The following CAB39 variants were observed in gnomAD, a reference collection of about 807,000 sequenced individuals.
CAB39 encodes calcium-binding protein 39.
A neutral mutation model predicts 40.0 loss-of-function variants in CAB39; 8 were observed. That is an observed-to-expected ratio of 0.20 (90% confidence interval 0.12 to 0.36). The LOEUF is 0.36. CAB39 is among the 10% of genes least tolerant of loss of function. The probability of loss-of-function intolerance (pLI) is 1.00; values close to 1 mark genes in which losing one functional copy is unlikely to be tolerated. For missense variants in CAB39, 270 were observed against 401.1 expected (o/e 0.67, Z 2.79); for synonymous variants, 156 against 141.6 (o/e 1.10, Z -0.72).
intron 2 of CAB39, among the ~76,000 whole-genome samples, chr2:230,782,932 C>G (rs1695718124): frequency 6.6e-6 from 1 of 151,520 alleles, no homozygotes; most frequent in African/African-American, 2.4e-5. Context: ...CCTGCCTCAG[C>G]CTCCTGAGTA....
chr2:230,759,936 AT>A, intron 1 of CAB39, 22 bp from the exon 2 acceptor site: 3 of 805,968 alleles, frequency 3.7e-6, no homozygotes, highest in Non-Finnish European at 6.3e-6. Context: ...GTTTGCTCAC[AT>A]GAACCTTGTG....
chr2:230,742,558 CAAAAAAAAA>C (rs112074993), intron 1 of CAB39, among the ~76,000 whole-genome samples: 2 of 60,406 alleles, frequency 3.3e-5, no homozygotes, highest in African/African-American at 1.1e-4. Context: ...AACATATTTG[CAAAAAAAAA>C]AAAAAAAAAA....
rs1432758278 is a variant in CAB39 at position 230,723,268 on chromosome 2, G to A, written c.-44+10038G>A. 3.3e-5 allele frequency among the ~76,000 whole-genome samples: 5 copies of A among 151,856 alleles called. No individual in the cohort carries two copies. The South Asian group carries it at 1.0e-3, about 32-fold the overall frequency. On this transcript the variant is annotated intron_variant, in intron 1 of 8. Coordinates refer to ENST00000258418, the MANE Select transcript of CAB39 (RefSeq NM_016289.4). ...TTTTGTGTCCTGACCTAAGAAAAGGGACATTTACAGGGGATTTACGATAGT... is the reference window on the plus strand; with the variant it reads ...TTTTGTGTCCTGACCTAAGAAAAGGAACATTTACAGGGGATTTACGATAGT...
Position 230,818,813 on chromosome 2 carries a change from A to G in CAB39, c.*109A>G. ...GAACATTACTGCTAATCTGCTGTTAAGTGAACGGTTTTTCATTTTACCCTT... is the reference window on the plus strand; with the variant it reads ...GAACATTACTGCTAATCTGCTGTTAGGTGAACGGTTTTTCATTTTACCCTT... On this transcript the variant is annotated 3_prime_UTR_variant, in exon 9 of 9. Transcript: ENST00000258418. The G allele has an allele frequency of 1.1e-5, 10 of 878,572 alleles. No individual in the cohort carries two copies. In the South Asian group the frequency reaches 1.8e-4, roughly 16 times the overall value. The allele number at this position is 878,572 out of a possible 1,614,324, so 54.4% of individuals were successfully genotyped here.
Position 230,808,038 on chromosome 2 carries a change from G to A in CAB39, c.568-2225G>A, listed in dbSNP as rs114838705. 9.5e-3 allele frequency among the ~76,000 whole-genome samples: 1,433 copies of A among 151,198 alleles called. 22 individuals are homozygous for A. The highest frequency in any genetic ancestry group is 0.032 in the African/African-American group (1,319 of 41,106). On this transcript the variant is annotated intron_variant, in intron 5 of 8. Coordinates refer to ENST00000258418, the MANE Select transcript of CAB39 (RefSeq NM_016289.4). The stretch of plus-strand genomic sequence containing the variant: ...CACCAAGATTGTCAGTGCCTGCTCT[G>A]TGCCAGGCACTTTTTTTCTTTTCTT...
At chr2:230,745,939 A>T (rs1489517117) in intron 1 of CAB39, among the ~76,000 whole-genome samples, 1 of 151,778 alleles carries the variant, frequency 6.6e-6, no homozygotes, top group Non-Finnish European at 1.5e-5. Flanking sequence ...CTTTAAATTA[A>T]AAAAAAAATT....
At position 230,816,839 on chromosome 2, in the gene CAB39, G is replaced by A. The variant is rs147163974; in HGVS notation, c.694-915G>A. On this transcript the variant is annotated intron_variant, in intron 7 of 8. Transcript: ENST00000258418. ...GTTCAGTAACGTGCTCAAGATTACA[G>A]AGCTCACAAGAAGTAGGGAGCCAGG... Among the ~76,000 whole-genome samples the A allele has an allele frequency of 5.1e-4, 77 of 152,252 alleles. 1 individual carries two copies. In the East Asian group the frequency reaches 0.013, roughly 25 times the overall value.
chr2:230,724,511 G>A (rs1575899784), intron 1 of CAB39, among the ~76,000 whole-genome samples: 1 of 151,624 alleles, frequency 6.6e-6, no homozygotes, highest in Non-Finnish European at 1.5e-5. Context: ...GAGAAATCCC[G>A]CCTCCACTAA....
At chr2:230,749,000 C>T (rs1248604246) in intron 1 of CAB39, among the ~76,000 whole-genome samples, 1 of 144,336 alleles carries the variant, frequency 6.9e-6, no homozygotes, top group Non-Finnish European at 1.5e-5. Flanking sequence ...GTGCGCCCCC[C>T]GCCCCCGTGT....
chr2:230,771,229 C>T (rs762458732), intron 2 of CAB39, among the ~76,000 whole-genome samples: 1 of 151,746 alleles, frequency 6.6e-6, no homozygotes, highest in Non-Finnish European at 1.5e-5. Context: ...AGTTGTATTT[C>T]TGTATAGTAG....
intron 1 of CAB39, among the ~76,000 whole-genome samples, chr2:230,727,944 C>A (rs1406500336): frequency 6.6e-6 from 1 of 152,018 alleles, no homozygotes; most frequent in East Asian, 1.9e-4. Flanking sequence ...ATTCATGTTA[C>A]AAAACTAGCC....
At chr2:230,786,074 G>C (rs1490735164) in intron 2 of CAB39, among the ~76,000 whole-genome samples, 1 of 146,740 alleles carries the variant, frequency 6.8e-6, no homozygotes, top group African/African-American at 2.5e-5. Context: ...TGAGGCAGGA[G>C]AATGGCATGA....
rs192367372 is a variant in CAB39 at position 230,721,355 on chromosome 2, C to T, written c.-44+8125C>T. ...CTGAGGCAGGAGAATCGCTTGAGCC[C>T]TGGGGGTGGAGGTTGCAGTGAGCCA... is the stretch of plus-strand genomic sequence containing the variant. On this transcript the variant is annotated intron_variant, in intron 1 of 8. Transcript: ENST00000258418. 1.4e-3 allele frequency among the ~76,000 whole-genome samples: 208 copies of T among 152,278 alleles called. 1 individual carries two copies. Among genetic ancestry groups the T allele is most frequent in the Middle Eastern group, 6.8e-3 (2 of 294 alleles).
At chr2:230,783,986 G>T (rs1695743241) in intron 2 of CAB39, among the ~76,000 whole-genome samples, 1 of 152,186 alleles carries the variant, frequency 6.6e-6, no homozygotes, top group African/African-American at 2.4e-5. Context: ...GTTATGAAAA[G>T]ATAATTCTAG....
chr2:230,780,332 G>T (rs2124943266), intron 2 of CAB39, among the ~76,000 whole-genome samples: 1 of 152,294 alleles, frequency 6.6e-6, no homozygotes, highest in East Asian at 1.9e-4. Context: ...ACAGGGCAAT[G>T]ATCAAAATCC....
chr2:230,767,855 A>G (rs1276522877), intron 2 of CAB39, among the ~76,000 whole-genome samples: 1 of 152,072 alleles, frequency 6.6e-6, no homozygotes, highest in East Asian at 1.9e-4. Flanking sequence ...TTTGCCTGGA[A>G]GGTTCTTTCC....
intron 5 of CAB39, 165 bp downstream of exon 5, chr2:230,799,062 A>T (rs1397763672): frequency 1.9e-6 from 1 of 522,978 alleles, no homozygotes; most frequent in African/African-American, 1.9e-5. Flanking sequence ...GTAAAGTCAC[A>T]GCTTTAAAAG....
At chr2:230,773,302 A>G (rs1230750584) in intron 2 of CAB39, among the ~76,000 whole-genome samples, 8 of 95,380 alleles carry the variant, frequency 8.4e-5, no homozygotes, top group African/African-American at 3.3e-4. Context: ...GTATGTGTAT[A>G]TATATATATA....
In CAB39 at chr2:230,756,247, A is replaced by G. The variant is rs115203785; in HGVS notation, c.-43-3712A>G. Among the ~76,000 whole-genome samples, 1,092 of 152,388 alleles carry G rather than the reference A, an allele frequency of 7.2e-3. 2 individuals are homozygous for G. The highest frequency in any genetic ancestry group is 0.012 in the Non-Finnish European group (828 of 68,042). ...GTACAGTACTTACACAAACCTAGAT[A>G]GTATAGTCAACTACATAGTAATCTA... On this transcript the variant is annotated intron_variant, in intron 1 of 8. Transcript: ENST00000258418.
Sources: gnomAD v4.1 joint callset for allele counts (sites outside exome capture counted in the v4.1 genomes callset) on GRCh38, gnomAD v4.1.1 for gene constraint, MANE v1.5 for transcripts, NCBI Gene and HGNC (gene_info 2026-07-23, HGNC 2026-07-21) for gene names.